Variants in IL1RAPL2 observed in about 807,000 individuals in gnomAD.
IL1RAPL2 encodes the protein interleukin 1 receptor accessory protein like 2.
IL1RAPL2 carries 3 observed loss-of-function variants against 44.1 expected under a neutral mutation model. That is an observed-to-expected ratio of 0.07 (90% CI 0.03 to 0.18). IL1RAPL2 has a LOEUF of 0.18. Among genes scored for constraint, IL1RAPL2 ranks in the 10% least tolerant of loss-of-function variants. IL1RAPL2 has a pLI of 1.00. For synonymous variants in IL1RAPL2, 181 were observed against 178.8 expected (o/e 1.01, Z -0.10); for missense variants, 391 against 496.4 (o/e 0.79, Z 2.02).
chrX:105,369,224 A>C lies in IL1RAPL2; in HGVS notation c.697+101683A>C, dbSNP rs146432708. ...AAACATCTCTCTATTTCTTCATTTT[A>C]CTTGACTCTCTGATACTTTCTGTGA... On this transcript the variant is annotated intron_variant, in intron 5 of 10. Transcript: ENST00000372582. Among the ~76,000 whole-genome samples, 496 of 110,409 alleles carry C rather than the reference A, an allele frequency of 4.5e-3. 4 individuals carry two copies. The highest frequency in any genetic ancestry group is 0.015 in the African/African-American group (465 of 30,350).
At chrX:104,655,638 T>A (rs1009700443) in intron 1 of IL1RAPL2, among the ~76,000 whole-genome samples, 3 of 111,688 alleles carry the variant, frequency 2.7e-5, no homozygotes, top group African/African-American at 9.8e-5. Flanking sequence ...TTCTCTTTTT[T>A]TTGTTGTGTC....
chrX:105,658,163 GA>G (rs906859760), intron 6 of IL1RAPL2, among the ~76,000 whole-genome samples: 85 of 106,865 alleles, frequency 8.0e-4, no homozygotes, highest in African/African-American at 2.3e-3. Flanking sequence ...TAAGAAGTTA[GA>G]AAAAAAAAAT....
chrX:105,119,617 G>A (rs2032900021), intron 2 of IL1RAPL2, among the ~76,000 whole-genome samples: 1 of 149 alleles, frequency 6.7e-3, no homozygotes. Context: ...GACCTATTTA[G>A]TCTTTGTTTT....
At chrX:105,755,067 T>G in intron 9 of IL1RAPL2, 110 bp from the exon 10 acceptor site, 1 of 478,804 alleles carries the variant, frequency 2.1e-6, no homozygotes, top group South Asian at 5.5e-5. Flanking sequence ...GTGACTTATT[T>G]TTTTCCAATT....
rs1418140156 is a variant in IL1RAPL2, at chrX:104,732,316, A to G, written c.82+73321A>G. Among the ~76,000 whole-genome samples, 3 of 111,641 alleles carry G rather than the reference A, an allele frequency of 2.7e-5. No homozygotes were observed. In the Admixed American group the frequency reaches 2.9e-4, roughly 11 times the overall value. ...ATAGAAAACAAAGAAATGATAGAGA[A>G]TCAACAAAACCAGCATTTGGTCTTT... On this transcript the variant is annotated intron_variant, in intron 2 of 10. Transcript: ENST00000372582.
chrX:105,077,701 C>T (rs894095599), intron 2 of IL1RAPL2, among the ~76,000 whole-genome samples: 6 of 111,791 alleles, frequency 5.4e-5, no homozygotes, highest in East Asian at 5.6e-4. Context: ...TAGATTTGGT[C>T]GTTTCACATA....
chrX:104,763,452 C>T (rs967147358), intron 2 of IL1RAPL2, among the ~76,000 whole-genome samples: 3 of 112,068 alleles, frequency 2.7e-5, no homozygotes, highest in Non-Finnish European at 3.8e-5. Context: ...TCAAATTGTT[C>T]CAACCTCTGC....
chrX:105,205,538 T>A (rs1186670525), intron 3 of IL1RAPL2, among the ~76,000 whole-genome samples: 1 of 84,843 alleles, frequency 1.2e-5, no homozygotes, highest in African/African-American at 4.6e-5. Flanking sequence ...TGCAGTGAGC[T>A]GAGACTGCGC....
chrX:105,297,279 A>C (rs1458896154), intron 5 of IL1RAPL2, among the ~76,000 whole-genome samples: 1 of 112,120 alleles, frequency 8.9e-6, no homozygotes, highest in Non-Finnish European at 1.9e-5. Context: ...AGATGAGGCC[A>C]GAAAAGTAGT....
chrX:105,703,965 C>T (rs909360922), intron 6 of IL1RAPL2, among the ~76,000 whole-genome samples: 5 of 111,581 alleles, frequency 4.5e-5, no homozygotes, highest in South Asian at 3.7e-4. Context: ...ATTGCTTAGG[C>T]GAGGTCTCTT....
intron 2 of IL1RAPL2, among the ~76,000 whole-genome samples, chrX:104,915,376 G>C (rs1478751215): frequency 9.0e-6 from 1 of 110,838 alleles, no homozygotes; most frequent in Non-Finnish European, 1.9e-5. Flanking sequence ...TTTGAGAAGT[G>C]TCTGTTCATA....
chrX:105,718,376 T>C (rs1569468643), intron 7 of IL1RAPL2, among the ~76,000 whole-genome samples: 1 of 112,198 alleles, frequency 8.9e-6, no homozygotes. Context: ...TTAAATGTTA[T>C]TTATAATTAC....
At chrX:104,730,940 T>C (rs1268840049) in intron 2 of IL1RAPL2, among the ~76,000 whole-genome samples, 1 of 111,272 alleles carries the variant, frequency 9.0e-6, no homozygotes, top group Non-Finnish European at 1.9e-5. Flanking sequence ...TGGTATCTCA[T>C]TGTGGTTTTG....
chrX:104,725,279 A>C (rs189822094), intron 2 of IL1RAPL2, among the ~76,000 whole-genome samples: 2 of 111,827 alleles, frequency 1.8e-5, no homozygotes, highest in East Asian at 5.6e-4. Flanking sequence ...TATCCAGTCT[A>C]TCATTGATGG....
At chrX:105,606,602 C>T (rs1412540243) in intron 6 of IL1RAPL2, among the ~76,000 whole-genome samples, 1 of 111,498 alleles carries the variant, frequency 9.0e-6, no homozygotes, top group East Asian at 2.8e-4. Flanking sequence ...ATTTACACCC[C>T]CATGTTTATT....
intron 2 of IL1RAPL2, among the ~76,000 whole-genome samples, chrX:104,771,433 T>G (rs1932640398): frequency 8.9e-6 from 1 of 112,717 alleles, no homozygotes; most frequent in Non-Finnish European, 1.9e-5. Flanking sequence ...ACTGTGTATC[T>G]TTTTCAAAAA....
chrX:105,673,555 A>G (rs972566612), intron 6 of IL1RAPL2, among the ~76,000 whole-genome samples: 2 of 111,627 alleles, frequency 1.8e-5, no homozygotes, highest in Non-Finnish European at 3.8e-5. Flanking sequence ...CAATTTCTTT[A>G]TCCAGTCTAC....
intron 6 of IL1RAPL2, among the ~76,000 whole-genome samples, chrX:105,524,234 G>A (rs757648783): frequency 9.0e-6 from 1 of 110,930 alleles, no homozygotes; most frequent in Non-Finnish European, 1.9e-5. Flanking sequence ...TTTAATATTC[G>A]GTCAAGCTGC....
At chrX:104,635,636 G>A (rs1418005671) in intron 1 of IL1RAPL2, among the ~76,000 whole-genome samples, 3 of 111,308 alleles carry the variant, frequency 2.7e-5, no homozygotes, top group Non-Finnish European at 3.8e-5. Flanking sequence ...TGATCGCATC[G>A]GCTACTGAGG....
Sources: allele counts gnomAD v4.1 joint callset (sites outside exome capture counted in the v4.1 genomes callset), GRCh38; gene constraint gnomAD v4.1.1; transcripts MANE v1.5; gene names NCBI Gene and HGNC (gene_info 2026-07-23, HGNC 2026-07-21).